RMDN2: variants seen among roughly 807,000 people sequenced by gnomAD.
RMDN2 encodes regulator of microtubule dynamics protein 2.
A neutral mutation model predicts 52.8 loss-of-function variants in RMDN2; 61 were observed. That is an observed-to-expected ratio of 1.16 (90% CI 0.94 to 1.43). The LOEUF is 1.43. RMDN2 is among the 40% of genes most tolerant of loss of function. RMDN2 has a pLI of 0.00. For synonymous variants in RMDN2, 180 were observed against 153.1 expected (o/e 1.18, Z -1.30); for missense variants, 592 against 475.3 (o/e 1.25, Z -2.28).
intron 10 of RMDN2, among the ~76,000 whole-genome samples, chr2:38,031,842 C>T (rs986570719): frequency 6.6e-6 from 1 of 152,288 alleles, no homozygotes; most frequent in East Asian, 1.9e-4. Flanking sequence ...AATGCAGTGA[C>T]CTAACGCTCC....
At chr2:37,948,567 T>TAA (rs1668420898) in intron 2 of RMDN2, among the ~76,000 whole-genome samples, 1 of 152,090 alleles carries the variant, frequency 6.6e-6, no homozygotes, top group Non-Finnish European at 1.5e-5. Context: ...TTATAAGGGG[T>TAA]TACTATTTGC....
At chr2:38,027,854 T>G (rs931056682) in intron 10 of RMDN2, among the ~76,000 whole-genome samples, 3 of 152,202 alleles carry the variant, frequency 2.0e-5, no homozygotes, top group Non-Finnish European at 4.4e-5. Context: ...AACTGTGGCA[T>G]TAATAGCTAA....
At chr2:37,956,733 T>C (rs898310966) in intron 2 of RMDN2, among the ~76,000 whole-genome samples, 1 of 152,116 alleles carries the variant, frequency 6.6e-6, no homozygotes. Flanking sequence ...GGTAGACTTG[T>C]GCCATGGTGG....
chr2:37,940,589 T>G (rs1667703251), intron 2 of RMDN2, among the ~76,000 whole-genome samples: 1 of 152,164 alleles, frequency 6.6e-6, no homozygotes, highest in African/African-American at 2.4e-5. Context: ...TCCTTTTCAT[T>G]CTTTTTTTCT....
rs578157864 is a variant in RMDN2 at position 38,028,668 on chromosome 2, C to T, written c.1713+24452C>T. Among the ~76,000 whole-genome samples the T allele has an allele frequency of 6.6e-5, 10 of 152,302 alleles. No individual in the cohort carries two copies. In the South Asian group the frequency reaches 1.5e-3, roughly 22 times the overall value. On this transcript the variant is annotated intron_variant, in intron 10 of 10. Coordinates refer to the RMDN2 transcript ENST00000234195. ...GCTGCAGCCTCTGGTCCAGCTCTGC[C>T]CGCTGCAGCCCCTGGGCCAGCTTTG...
intron 2 of RMDN2, among the ~76,000 whole-genome samples, chr2:37,944,089 T>C (rs1398047109): frequency 2.0e-5 from 3 of 152,206 alleles, no homozygotes; most frequent in African/African-American, 7.2e-5. Context: ...ACGTTTTGTG[T>C]AACTGCACCA....
At chr2:38,002,028 G>A (rs956818624) in intron 8 of RMDN2, among the ~76,000 whole-genome samples, 3 of 152,110 alleles carry the variant, frequency 2.0e-5, no homozygotes, top group Admixed American at 6.5e-5. Flanking sequence ...AACCTACCTG[G>A]TCTTAAAGAT....
chr2:38,061,416 G>C (rs79937951), intron 10 of RMDN2, among the ~76,000 whole-genome samples: 1,789 of 152,224 alleles, frequency 0.012, 31 homozygotes, highest in African/African-American at 0.041. Flanking sequence ...TTTTACTTCA[G>C]ACTGCCCTGA....
intron 2 of RMDN2, among the ~76,000 whole-genome samples, chr2:37,972,123 A>T (rs1043890943): frequency 6.6e-6 from 1 of 152,150 alleles, no homozygotes; most frequent in Non-Finnish European, 1.5e-5. Context: ...TGCAAATTGA[A>T]TATTTTATTT....
At chr2:38,045,773 G>A (rs1005638187) in intron 10 of RMDN2, among the ~76,000 whole-genome samples, 1 of 152,190 alleles carries the variant, frequency 6.6e-6, no homozygotes, top group African/African-American at 2.4e-5. Flanking sequence ...TGGTATGAGA[G>A]TTCTACCAAG....
Position 38,065,416 on chromosome 2 carries a change from G to C in RMDN2, c.1714-1566G>C, listed in dbSNP as rs150664106. Among the ~76,000 whole-genome samples, 14 of 151,884 alleles carry C rather than the reference G, an allele frequency of 9.2e-5. No homozygotes were observed. In the South Asian group the frequency reaches 2.9e-3, roughly 32 times the overall value. On this transcript the variant is annotated intron_variant, in intron 10 of 10. Transcript: ENST00000234195. The stretch of plus-strand genomic sequence containing the variant: ...AAAGAAAGAGGCTGGCTGATTTTTC[G>C]GGCTTGCTCAATGACTCTTAGCTCT...
At chr2:38,040,694 C>A (rs973853922) in intron 10 of RMDN2, among the ~76,000 whole-genome samples, 1 of 152,176 alleles carries the variant, frequency 6.6e-6, no homozygotes, top group Non-Finnish European at 1.5e-5. Context: ...ATTGTATTGT[C>A]TGTTCTGGGT....
chr2:38,021,756 AC>A (rs1350101158), downstream of RMDN2, among the ~76,000 whole-genome samples: 1 of 152,138 alleles, frequency 6.6e-6, no homozygotes, highest in Non-Finnish European at 1.5e-5. Context: ...CACTGATCCA[AC>A]AGGAGGAGGC....
chr2:37,950,890 T>C (rs1381909665), intron 2 of RMDN2, among the ~76,000 whole-genome samples: 3 of 152,266 alleles, frequency 2.0e-5, no homozygotes, highest in East Asian at 3.9e-4. Flanking sequence ...ATCTTTTCCT[T>C]TGGGAATCTT....
chr2:38,007,726 G>T (rs530796533), intron 10 of RMDN2, among the ~76,000 whole-genome samples: 1 of 152,162 alleles, frequency 6.6e-6, no homozygotes, highest in Admixed American at 6.5e-5. Flanking sequence ...TCTGATCTTA[G>T]TTATTTCTTG....
chr2:38,038,066 C>G (rs1356821195), intron 10 of RMDN2, among the ~76,000 whole-genome samples: 2 of 152,150 alleles, frequency 1.3e-5, no homozygotes, highest in Non-Finnish European at 2.9e-5. Flanking sequence ...TCCCTCTTCT[C>G]CCCTCCATTC....
At chr2:37,953,116 A>T (rs1330628199) in intron 2 of RMDN2, 1 of 151,948 alleles carries the variant, frequency 6.6e-6, no homozygotes, top group Non-Finnish European at 1.5e-5. Context: ...TGTTATTTTT[A>T]CTTTTGTGGT....
intron 2 of RMDN2, chr2:37,952,288 C>A: frequency 1.6e-6 from 2 of 1,232,166 alleles, no homozygotes; most frequent in Non-Finnish European, 2.3e-6. Context: ...ATTCATTTCT[C>A]ATAACTCCCC....
At chr2:38,033,239 C>G (rs1680340162) in intron 10 of RMDN2, 1 of 152,186 alleles carries the variant, frequency 6.6e-6, no homozygotes, top group African/African-American at 2.4e-5. Context: ...TTGTTAGTTA[C>G]TAGTAGATTT....
Sources: gnomAD v4.1 joint callset for allele counts (sites outside exome capture counted in the v4.1 genomes callset) on GRCh38, gnomAD v4.1.1 for gene constraint, MANE v1.5 for transcripts, NCBI Gene and HGNC (gene_info 2026-07-23, HGNC 2026-07-21) for gene names.